ABR: variants seen among roughly 807,000 people sequenced by gnomAD.
ABR encodes the protein active breakpoint cluster region-related protein.
Under a neutral mutation model 107.2 loss-of-function variants are expected in ABR, and 35 were observed. The ratio of observed to expected loss-of-function variants is 0.33; its 90% CI spans 0.25 to 0.43. The LOEUF (loss-of-function observed/expected upper bound fraction) is 0.43. ABR is among the 20% of genes least tolerant of loss of function. The pLI is 1.00. For missense variants in ABR, 815 were observed against 1,115.2 expected, an observed-to-expected ratio of 0.73 and a Z score of 3.83; for synonymous variants, 498 against 462.0, an observed-to-expected ratio of 1.08 and a Z score of -1.00.
chr17:1,083,412 T>C (rs55694015), intron 5 of ABR, 108 bp downstream of exon 5: 2 of 692,766 alleles, frequency 2.9e-6, no homozygotes, highest in Non-Finnish European at 5.0e-6. Context: ...TGTTACCCAT[T>C]AGAGTAACCA....
intron 3 of ABR, among the ~76,000 whole-genome samples, chr17:1,096,165 A>G (rs1231666201): frequency 6.6e-6 from 1 of 152,118 alleles, no homozygotes; most frequent in Admixed American, 6.5e-5. Flanking sequence ...GCCCACCAGG[A>G]AGCAGGAGGG....
chr17:1,160,861 G>T (rs1190887288), intron 1 of ABR, among the ~76,000 whole-genome samples: 1 of 152,220 alleles, frequency 6.6e-6, no homozygotes, highest in Non-Finnish European at 1.5e-5. Context: ...TCCACAAAGG[G>T]AACTTCAGCG....
intron 2 of ABR, among the ~76,000 whole-genome samples, chr17:1,110,595 AGTT>A (rs2038616743): frequency 1.3e-5 from 2 of 152,150 alleles, no homozygotes; most frequent in Admixed American, 6.5e-5. Context: ...CTGTGGCCCG[AGTT>A]CAGGCCACAG....
chr17:1,144,584 C>T (rs1338338793), intron 1 of ABR, among the ~76,000 whole-genome samples: 1 of 126,938 alleles, frequency 7.9e-6, no homozygotes, highest in African/African-American at 3.0e-5. Flanking sequence ...TTCAGTCAAT[C>T]AGGCAAAAAA....
At chr17:1,191,676 G>A (rs111740499), upstream of ABR, among the ~76,000 whole-genome samples, 4,193 of 152,148 alleles carry the variant, frequency 0.028, 179 homozygotes, top group African/African-American at 0.09. Flanking sequence ...ATAGTGTCAG[G>A]GTTCTTCTGT....
At chr17:1,224,626 G>C (rs2043180462) in intron 1 of ABR, among the ~76,000 whole-genome samples, 1 of 152,188 alleles carries the variant, frequency 6.6e-6, no homozygotes, top group African/African-American at 2.4e-5. Flanking sequence ...CTGCCTGAAA[G>C]GTTCTAGAAA....
rs569546793 is a variant in ABR, at chr17:1,125,499, G to A, written c.62-132C>T. The A allele has an allele frequency of 2.0e-4, 194 of 964,920 alleles. No individual in the cohort carries two copies. The African/African-American group carries it at 2.7e-3, about 13-fold the overall frequency. The allele number at this position is 964,920 out of a possible 1,614,324, so 59.8% of individuals were successfully genotyped here. A position where few individuals can be genotyped will look rare whatever the true frequency, so the allele number is the denominator to read the frequency against. ...CGCACCATCCACGCCTGGCCCGGGCGGGGGCTGTGCGGGGGCCTGGGCCTG... is the reference window on the plus strand; with the variant it reads ...CGCACCATCCACGCCTGGCCCGGGCAGGGGCTGTGCGGGGGCCTGGGCCTG... On this transcript the variant is annotated intron_variant, in intron 1 of 22. Transcript: ENST00000302538.
chr17:1,014,428 G>C (rs771647057), intron 16 of ABR, among the ~76,000 whole-genome samples: 3 of 150,448 alleles, frequency 2.0e-5, no homozygotes, highest in African/African-American at 7.3e-5. Context: ...GCGACAGAGC[G>C]AGACTCCGTC....
At chr17:1,227,758 C>G (rs1001940304) in intron 1 of ABR, among the ~76,000 whole-genome samples, 7 of 152,140 alleles carry the variant, frequency 4.6e-5, no homozygotes, top group African/African-American at 1.7e-4. Flanking sequence ...CGTGACAGTT[C>G]ACAGACACAG....
At position 1,017,076 on chromosome 17, in the gene ABR, A is replaced by C. The variant is rs183996301; in HGVS notation, c.1792-3912T>G. ...CCAGAGAAGGGATGGAACCCAGAAC[A>C]GGAGACAGAAGTTGGGTGTGTGCAG... On this transcript the variant is annotated intron_variant, in intron 16 of 22. Transcript: ENST00000302538. Among the ~76,000 whole-genome samples the C allele has an allele frequency of 3.9e-5, 6 of 152,174 alleles. No individual in the cohort carries two copies. In the East Asian group the frequency reaches 9.6e-4, roughly 24 times the overall value.
rs375213209 is a variant in ABR at position 1,049,773 on chromosome 17, C to A, written c.1791+277G>T. On this transcript the variant is annotated intron_variant, in intron 16 of 22. Transcript: ENST00000302538. ...ACATGGCGTTCCGGGAAACAACCAC[C>A]CATAGACTAAAGCTGGCGTGTGAAA... Among the ~76,000 whole-genome samples, 8 of 152,348 alleles carry A rather than the reference C, an allele frequency of 5.3e-5. No homozygotes were observed. The East Asian group carries it at 1.5e-3, about 29-fold the overall frequency.
At chr17:1,127,903 C>T (rs1310826236) in intron 1 of ABR, among the ~76,000 whole-genome samples, 1 of 152,206 alleles carries the variant, frequency 6.6e-6, no homozygotes, top group Non-Finnish European at 1.5e-5. Context: ...CCTGGATGTT[C>T]CGCGGGGAGG....
At chr17:1,036,427 G>C (rs2073180126) in intron 16 of ABR, among the ~76,000 whole-genome samples, 2 of 152,194 alleles carry the variant, frequency 1.3e-5, no homozygotes, top group African/African-American at 2.4e-5. Context: ...CACCGGCTGG[G>C]CATCAGAGGA....
At position 1,203,369 on chromosome 17, in the gene ABR, T is replaced by TG. The variant is rs1317913437; in HGVS notation, c.838+25423dup. On this transcript the variant is annotated intron_variant, in intron 1 of 22. Coordinates refer to the ABR transcript ENST00000574139. ...GAGGAGCCTGCGGGGCGGTCCCCCG[T>TG]GGGGGCGGGGCCTTGAGGGGGCGGG... is the stretch of plus-strand genomic sequence containing the variant. Among the ~76,000 whole-genome samples, 20 of 29,892 alleles carry TG rather than the reference T, an allele frequency of 6.7e-4. 1 individual carries two copies. The highest frequency in any genetic ancestry group is 2.5e-3 in the East Asian group (2 of 806). The allele number at this position is 29,892 out of a possible 152,430, so 19.6% of individuals were successfully genotyped here.
chr17:1,033,235 TCTC>T (rs1329803901), intron 16 of ABR, among the ~76,000 whole-genome samples: 2 of 152,180 alleles, frequency 1.3e-5, no homozygotes, highest in Non-Finnish European at 2.9e-5. Flanking sequence ...TGTCGGGATT[TCTC>T]CTCAGAGGCC....
At chr17:1,223,853 C>T (rs1567904430) in intron 1 of ABR, among the ~76,000 whole-genome samples, 1 of 152,160 alleles carries the variant, frequency 6.6e-6, no homozygotes, top group Admixed American at 6.5e-5. Flanking sequence ...ATCAGGACAA[C>T]AGCCCGGGGG....
chr17:1,151,978 CCCCG>C (rs1226095928), intron 1 of ABR, among the ~76,000 whole-genome samples: 17 of 149,636 alleles, frequency 1.1e-4, no homozygotes, highest in African/African-American at 4.3e-4. Context: ...CACGGGGAAA[CCCCG>C]CCTCTACTAA....
rs78650416 is a variant in ABR at position 1,107,339 on chromosome 17, T to C, written c.247-6604A>G. Among the ~76,000 whole-genome samples the C allele has an allele frequency of 8.0e-3, 1,215 of 152,296 alleles. 11 individuals are homozygous for C. Among genetic ancestry groups the C allele is most frequent in the African/African-American group, 0.027 (1,137 of 41,564 alleles). Reference sequence around the variant, plus strand: ...CGTGGGCCCCAGCGGGCCTCACACATTGTGCAGACTCTCACAGGCACCAGC... The same window carrying C: ...CGTGGGCCCCAGCGGGCCTCACACACTGTGCAGACTCTCACAGGCACCAGC... On this transcript the variant is annotated intron_variant, in intron 2 of 22. Transcript: ENST00000302538.
rs369639804 is a variant in ABR, at chr17:1,032,871, A to G, written c.1791+17179T>C. Among the ~76,000 whole-genome samples, 31 of 152,330 alleles carry G rather than the reference A, an allele frequency of 2.0e-4. No homozygotes were observed. In the East Asian group the frequency reaches 4.6e-3, roughly 23 times the overall value. On this transcript the variant is annotated intron_variant, in intron 16 of 22. Coordinates refer to ENST00000302538, the MANE Select transcript of ABR (RefSeq NM_021962.5). ...GGACCTCTGCAGACCCCAGCACGGCACAGAAAGGAAACCAGTATTTGCACC... is the reference window on the plus strand; with the variant it reads ...GGACCTCTGCAGACCCCAGCACGGCGCAGAAAGGAAACCAGTATTTGCACC...
Sources: gnomAD v4.1 joint callset for allele counts (sites outside exome capture counted in the v4.1 genomes callset) on GRCh38, gnomAD v4.1.1 for gene constraint, MANE v1.5 for transcripts, NCBI Gene and HGNC (gene_info 2026-07-23, HGNC 2026-07-21) for gene names.